The following TANC1 variants were observed in gnomAD, a reference collection of about 807,000 sequenced individuals.
TANC1 encodes tetratricopeptide repeat, ankyrin repeat and coiled-coil containing 1, also known as protein TANC1.
Under a neutral mutation model 149.7 loss-of-function variants are expected in TANC1, and 77 were observed. That is an observed-to-expected ratio of 0.51 (90% CI 0.43 to 0.62). The LOEUF (loss-of-function observed/expected upper bound fraction) is 0.62, where lower values mean the gene tolerates loss of function less well. TANC1 is among the 20% of genes least tolerant of loss of function. The pLI is 0.00. For synonymous variants in TANC1, 854 were observed against 925.0 expected, an observed-to-expected ratio of 0.92 and a Z score of 1.39; for missense variants, 1,985 against 2,321.8, an observed-to-expected ratio of 0.85 and a Z score of 2.98.
At chr2:159,219,037 TA>T (rs548500163) in intron 20 of TANC1, among the ~76,000 whole-genome samples, 200 bp from the exon 21 acceptor site, 513 of 152,342 alleles carry the variant, frequency 3.4e-3, no homozygotes, top group Middle Eastern at 0.01. Context: ...TTGGGCATGT[TA>T]AAAAGAGTGC....
chr2:159,164,632 A>C (rs888573494), intron 8 of TANC1, among the ~76,000 whole-genome samples: 8 of 152,226 alleles, frequency 5.3e-5, no homozygotes, highest in Non-Finnish European at 1.0e-4. Context: ...TCAGTGTAGC[A>C]CTTAACATTT....
At chr2:159,128,171 A>T (rs1234426232) in intron 4 of TANC1, among the ~76,000 whole-genome samples, 1 of 152,116 alleles carries the variant, frequency 6.6e-6, no homozygotes, top group Non-Finnish European at 1.5e-5. Flanking sequence ...TTGGATTAGG[A>T]TGAGGTCCCA....
chr2:159,187,132 A>G, intron 16 of TANC1, 108 bp downstream of exon 16: 2 of 1,313,994 alleles, frequency 1.5e-6, no homozygotes, highest in South Asian at 2.8e-5. Flanking sequence ...GAGAGGACGC[A>G]GAGGAGCTTC....
chr2:159,010,490 GCCCTCCTCA>G (rs926975175), intron 2 of TANC1, among the ~76,000 whole-genome samples: 6 of 152,160 alleles, frequency 3.9e-5, no homozygotes, highest in Non-Finnish European at 1.5e-5. Flanking sequence ...ATGCAAACTT[GCCCTCCTCA>G]CTCTTGAAGT....
chr2:159,147,657 T>A (rs182180324), intron 5 of TANC1: 1 of 152,506 alleles, frequency 6.6e-6, no homozygotes, highest in Admixed American at 6.5e-5. Context: ...CCCTTCATGT[T>A]TGGCTCACAT....
intron 10 of TANC1, among the ~76,000 whole-genome samples, chr2:159,171,916 G>A (rs1287817749): frequency 6.6e-6 from 1 of 150,646 alleles, no homozygotes; most frequent in African/African-American, 2.4e-5. Flanking sequence ...ACTGGAAACA[G>A]TACACTGATG....
chr2:159,080,347 G>A (rs2149787272), intron 3 of TANC1, among the ~76,000 whole-genome samples: 1 of 152,282 alleles, frequency 6.6e-6, no homozygotes, highest in Non-Finnish European at 1.5e-5. Flanking sequence ...CTGCATTTCT[G>A]GGCTTAGAAG....
At position 159,219,340 on chromosome 2, in the gene TANC1, G is replaced by A. The variant is rs375860483; in HGVS notation, c.3481G>A (p.Val1161Met). 7.4e-6 allele frequency: 12 copies of A among 1,613,614 alleles called. No homozygotes were observed. The highest frequency in any genetic ancestry group is 2.7e-5 in the African/African-American group (2 of 74,836). ...VAACEGHLST[V>M]EFLLSKGAAL... ...TGCTTGTGAAGGGCACTTGAGCACCGTGGAATTCCTCCTTTCAAAAGGTAG... is the reference window on the plus strand; with the variant it reads ...TGCTTGTGAAGGGCACTTGAGCACCATGGAATTCCTCCTTTCAAAAGGTAG... The change falls in exon 21 of 27, where the codon GTG becomes ATG. Residue 1161 changes from valine to methionine, a missense_variant. Val to Met is a conservative substitution (Grantham distance 21). Coordinates refer to ENST00000263635, the MANE Select transcript of TANC1 (RefSeq NM_033394.3).
At chr2:159,131,349 G>A (rs1347292773) in intron 4 of TANC1, among the ~76,000 whole-genome samples, 1 of 152,160 alleles carries the variant, frequency 6.6e-6, no homozygotes, top group African/African-American at 2.4e-5. Context: ...GGGAGGGGAA[G>A]GGATGTTCCA....
chr2:159,036,107 TG>T (rs1240364825), intron 2 of TANC1, among the ~76,000 whole-genome samples: 1 of 152,158 alleles, frequency 6.6e-6, no homozygotes, highest in Non-Finnish European at 1.5e-5. Flanking sequence ...AAAGGAGACT[TG>T]GCTGAAGGAC....
intron 4 of TANC1, among the ~76,000 whole-genome samples, chr2:159,128,469 C>T (rs1311161768): frequency 2.6e-5 from 4 of 152,190 alleles, no homozygotes; most frequent in African/African-American, 9.7e-5. Context: ...GGGATGGATG[C>T]CAGGCTGTGT....
chr2:158,989,058 T>C (rs886214651), intron 1 of TANC1, among the ~76,000 whole-genome samples: 4 of 152,178 alleles, frequency 2.6e-5, no homozygotes, highest in African/African-American at 7.2e-5. Context: ...ACTGACAGTG[T>C]TCACAGGGAG....
Position 159,065,639 on chromosome 2 carries a change from TG to T in TANC1, c.-15-256del, listed in dbSNP as rs1360153198. ...ATGTGGAATGCTGAGAATGCACTAT[TG>T]TTTTTTTTTTTTTTTAGCTTTTCTA... On this transcript the variant is annotated intron_variant, in intron 2 of 26. Transcript: ENST00000263635. 8.1e-4 allele frequency among the ~76,000 whole-genome samples: 107 copies of T among 132,320 alleles called. 2 individuals carry two copies. The East Asian group carries it at 0.015, about 19-fold the overall frequency. 86.8% of individuals were successfully genotyped at this position (132,320 alleles called of 152,430 possible).
intron 2 of TANC1, among the ~76,000 whole-genome samples, chr2:159,025,528 C>T (rs918017437): frequency 5.9e-5 from 9 of 151,998 alleles, no homozygotes; most frequent in East Asian, 1.9e-4. Flanking sequence ...TAAAGATCCC[C>T]GATGACATTA....
At chr2:159,102,177 C>G (rs2046786956) in intron 4 of TANC1, among the ~76,000 whole-genome samples, 1 of 152,196 alleles carries the variant, frequency 6.6e-6, no homozygotes, top group East Asian at 1.9e-4. Context: ...CGAAAAAGAA[C>G]TACTGTGAAC....
intron 1 of TANC1, among the ~76,000 whole-genome samples, chr2:159,000,246 G>A (rs947436091): frequency 7.2e-5 from 11 of 152,130 alleles, no homozygotes; most frequent in Non-Finnish European, 1.5e-4. Context: ...GCTTGGAACA[G>A]GAGTGAAGAG....
chr2:159,051,096 A>AT (rs2041430410), intron 2 of TANC1, among the ~76,000 whole-genome samples: 1 of 152,218 alleles, frequency 6.6e-6, no homozygotes, highest in South Asian at 2.1e-4. Flanking sequence ...ATCTACAACA[A>AT]TTTTACATCC....
chr2:159,004,993 T>C (rs940426720), intron 2 of TANC1, among the ~76,000 whole-genome samples: 5 of 152,198 alleles, frequency 3.3e-5, no homozygotes, highest in Admixed American at 2.0e-4. Context: ...AATAAAGCGA[T>C]GGGCCGAAAC....
intron 23 of TANC1, chr2:159,225,055 C>G (rs529127594): frequency 6.3e-6 from 1 of 159,734 alleles, no homozygotes; most frequent in Admixed American, 6.0e-5. Context: ...GCCTTAATCC[C>G]TACCACAGCC....
Sources: allele counts gnomAD v4.1 joint callset (sites outside exome capture counted in the v4.1 genomes callset), GRCh38; gene constraint gnomAD v4.1.1; transcripts MANE v1.5; gene names NCBI Gene and HGNC (gene_info 2026-07-23, HGNC 2026-07-21).